Variants in TIA1 observed in about 807,000 individuals in gnomAD.
The protein encoded by TIA1 is TIA1 cytotoxic granule associated RNA binding protein.
Under a neutral mutation model 65.9 loss-of-function variants are expected in TIA1, and 23 were observed. The ratio of observed to expected loss-of-function variants is 0.35; its 90% CI spans 0.25 to 0.49. The LOEUF is 0.49. TIA1 is among the 20% of genes least tolerant of loss of function. TIA1 has a pLI of 0.98. For missense variants in TIA1, 371 were observed against 477.9 expected (o/e 0.78, Z 2.09); for synonymous variants, 147 against 149.4 (o/e 0.98, Z 0.12).
At chr2:70,239,017 C>A (rs994457465) in intron 1 of TIA1, among the ~76,000 whole-genome samples, 10 of 152,150 alleles carry the variant, frequency 6.6e-5, no homozygotes, top group African/African-American at 2.4e-4. Context: ...CTGCAGTGAG[C>A]TATGATTATG....
Position 70,214,643 on chromosome 2 carries a change from A to C in TIA1, c.889-149T>G, listed in dbSNP as rs2305144. 0.43 allele frequency: 210,247 copies of C among 493,296 alleles called. 60,270 individuals are homozygous for C. The highest frequency in any genetic ancestry group is 0.7 in the African/African-American group (34,431 of 49,432). 30.6% of individuals were successfully genotyped at this position (493,296 alleles called of 1,614,324 possible). ...CAAGAGTTGACTGCTAAAAAAAAAAAAAAAAAAAAAAAAAACAAAAAACAA... is the reference window on the plus strand; with the variant it reads ...CAAGAGTTGACTGCTAAAAAAAAAACAAAAAAAAAAAAAAACAAAAAACAA... On this transcript the variant is annotated intron_variant, in intron 11 of 12. Transcript: ENST00000433529.
At chr2:70,244,539 C>T (rs1693362773) in intron 1 of TIA1, among the ~76,000 whole-genome samples, 1 of 152,030 alleles carries the variant, frequency 6.6e-6, no homozygotes, top group Non-Finnish European at 1.5e-5. Context: ...GCCAACCTTG[C>T]CTTCAATCTA....
chr2:70,248,365 G>T, intron 1 of TIA1, 40 bp downstream of exon 1: 1 of 1,592,902 alleles, frequency 6.3e-7, no homozygotes. Context: ...CCTCCGGGAC[G>T]ACCACCATCC....
chr2:70,242,054 A>G (rs553682835), intron 1 of TIA1, among the ~76,000 whole-genome samples: 11 of 152,298 alleles, frequency 7.2e-5, no homozygotes, highest in African/African-American at 2.6e-4. Flanking sequence ...AATAAAGCCT[A>G]TAGTGTTAAT....
At chr2:70,238,043 C>T (rs1689847118) in intron 1 of TIA1, among the ~76,000 whole-genome samples, 1 of 151,232 alleles carries the variant, frequency 6.6e-6, no homozygotes, top group African/African-American at 2.4e-5. Flanking sequence ...CGCCTGTAGT[C>T]CCGGCTACTC....
chr2:70,229,316 T>G lies in TIA1; in HGVS notation c.225A>C (p.Glu75Asp). ...GGGTTGTTGCCCAATTCACTTTGAC[T>G]TCCTAAAAAAAAAAAATTTCTACAT... ...AMNGRKIMGK[E>D]VKVNWATTPS... is the part of the protein sequence containing the mutation. Residue 75 changes from glutamate to aspartate, a missense_variant and splice_region_variant, in exon 4 of 13, where the codon GAA becomes GAC. Glu to Asp is a conservative substitution (Grantham distance 45). Coordinates refer to ENST00000433529, the MANE Select transcript of TIA1 (RefSeq NM_022173.4). 1.2e-6 allele frequency: 2 copies of G among 1,604,110 alleles called. No homozygotes were observed. Among genetic ancestry groups the G allele is most frequent in the East Asian group, 4.5e-5 (2 of 44,780 alleles).
chr2:70,215,189 C>A (rs1678046343), intron 11 of TIA1, 182 bp downstream of exon 11: 1 of 690,006 alleles, frequency 1.4e-6, no homozygotes, highest in Non-Finnish European at 2.3e-6. Flanking sequence ...GAGGCGGTCA[C>A]ATTCATCATG....
Position 70,242,598 on chromosome 2 carries a change from G to C in TIA1, c.26+5807C>G, listed in dbSNP as rs944341185. On this transcript the variant is annotated intron_variant, in intron 1 of 12. Coordinates refer to ENST00000433529, the MANE Select transcript of TIA1 (RefSeq NM_022173.4). ...TTTTACCTAATAATAAATTCCATAA[G>C]AGGTTTTCATTTTTATTCTTAGTTG... 2.7e-5 allele frequency among the ~76,000 whole-genome samples: 4 copies of C among 147,588 alleles called. No homozygotes were observed. The Admixed American group carries it at 2.8e-4, about 10-fold the overall frequency.
chr2:70,243,917 C>T (rs1261639344), intron 1 of TIA1, among the ~76,000 whole-genome samples: 1 of 152,200 alleles, frequency 6.6e-6, no homozygotes, highest in East Asian at 1.9e-4. Context: ...GACTAGGCTA[C>T]TTGCTTTTGC....
intron 7 of TIA1, among the ~76,000 whole-genome samples, chr2:70,224,200 G>A (rs894032162): frequency 1.3e-5 from 2 of 152,198 alleles, no homozygotes; most frequent in Non-Finnish European, 1.5e-5. Flanking sequence ...TTACAGGTGT[G>A]AGCCACTGCG....
chr2:70,228,161 T>C (rs1425848029), intron 5 of TIA1, among the ~76,000 whole-genome samples: 4 of 152,218 alleles, frequency 2.6e-5, no homozygotes, highest in African/African-American at 9.6e-5. Flanking sequence ...GTTACCATTC[T>C]AATAATAATT....
intron 1 of TIA1, 45 bp from the exon 2 acceptor site, chr2:70,236,220 C>CA (rs1405145537): frequency 1.6e-6 from 2 of 1,228,044 alleles, no homozygotes; most frequent in Admixed American, 1.8e-5. Context: ...TTTTTTGAGA[C>CA]AGAGTTTCAC....
In TIA1 at chr2:70,224,411, A is replaced by C. The variant is rs973762943; in HGVS notation, c.474+143T>G. Reference sequence around the variant, plus strand: ...AGGTGCCAATAAATGTTAAACAGACAAAACAGAAGAAATCTTCTAGTGAGG... The same window carrying C: ...AGGTGCCAATAAATGTTAAACAGACCAAACAGAAGAAATCTTCTAGTGAGG... On this transcript the variant is annotated intron_variant, in intron 7 of 12. Coordinates refer to ENST00000433529, the MANE Select transcript of TIA1 (RefSeq NM_022173.4). 5.0e-6 allele frequency: 6 copies of C among 1,205,160 alleles called. No homozygotes were observed. In the East Asian group the frequency reaches 1.3e-4, roughly 26 times the overall value. The allele number at this position is 1,205,160 out of a possible 1,614,324, so 74.7% of individuals were successfully genotyped here.
chr2:70,214,572 G>T (rs1031935502), intron 11 of TIA1, 78 bp from the exon 12 acceptor site: 4 of 1,076,906 alleles, frequency 3.7e-6, no homozygotes. Flanking sequence ...CAAATTCTTA[G>T]CCAAAACACA....
chr2:70,233,051 A>C (rs1187234898), intron 2 of TIA1, among the ~76,000 whole-genome samples: 3 of 152,226 alleles, frequency 2.0e-5, no homozygotes, highest in Non-Finnish European at 4.4e-5. Flanking sequence ...ATAGCCTCCT[A>C]AACAGATTTG....
intron 1 of TIA1, among the ~76,000 whole-genome samples, chr2:70,241,129 T>C (rs920200311): frequency 6.6e-6 from 1 of 152,110 alleles, no homozygotes; most frequent in Non-Finnish European, 1.5e-5. Context: ...AGCCTCAAAG[T>C]ACCTCCACTA....
intron 6 of TIA1, chr2:70,225,515 TAGTC>T (rs1683411577): frequency 2.0e-6 from 2 of 1,014,878 alleles, no homozygotes; most frequent in South Asian, 3.0e-5. Context: ...GCTTTTAAGT[TAGTC>T]AGGTATGTCA....
At chr2:70,222,573 A>T (rs1246253000) in intron 7 of TIA1, among the ~76,000 whole-genome samples, 1 of 152,224 alleles carries the variant, frequency 6.6e-6, no homozygotes, top group Non-Finnish European at 1.5e-5. Context: ...CAAATTTTAC[A>T]TAAGTTGAAA....
intron 1 of TIA1, among the ~76,000 whole-genome samples, chr2:70,243,456 T>C (rs1451051919): frequency 6.6e-6 from 1 of 152,150 alleles, no homozygotes; most frequent in Non-Finnish European, 1.5e-5. Context: ...ATAAATTGTG[T>C]AGAATAGTAA....
Sources: allele counts gnomAD v4.1 joint callset (sites outside exome capture counted in the v4.1 genomes callset), GRCh38; gene constraint gnomAD v4.1.1; transcripts MANE v1.5; gene names NCBI Gene and HGNC (gene_info 2026-07-23, HGNC 2026-07-21).